The following ENTREP2 variants were observed in gnomAD, a reference collection of about 807,000 sequenced individuals.
The protein encoded by ENTREP2 is endosomal transmembrane epsin interactor 2, also known as protein ENTREP2.
At chr15:29,327,594 CAAAAA>C in the ENTREP2 span, among the ~76,000 whole-genome samples, 1 of 92,382 alleles carries the variant, frequency 1.1e-5, no homozygotes, top group Non-Finnish European at 2.5e-5. Context: ...GACCCCATCT[CAAAAA>C]AAAAAAAAAA....
the ENTREP2 span, among the ~76,000 whole-genome samples, chr15:29,142,869 C>CAAA: frequency 6.8e-6 from 1 of 147,758 alleles, no homozygotes; most frequent in African/African-American, 2.5e-5. Context: ...CATTTAAAAA[C>CAAA]AAAAAAAAAA....
chr15:29,548,697 G>A, the ENTREP2 span, among the ~76,000 whole-genome samples: 8 of 152,264 alleles, frequency 5.3e-5, no homozygotes, highest in Non-Finnish European at 1.0e-4. Context: ...AGCACTATTT[G>A]TTATGCTTCA....
chr15:29,426,143 G>C, the ENTREP2 span, among the ~76,000 whole-genome samples: 2 of 151,974 alleles, frequency 1.3e-5, no homozygotes, highest in African/African-American at 4.8e-5. Context: ...TGCACTACAA[G>C]TCATTTCCTT....
chr15:29,491,244 C>A, the ENTREP2 span, among the ~76,000 whole-genome samples: 1 of 152,138 alleles, frequency 6.6e-6, no homozygotes, highest in South Asian at 2.1e-4. Flanking sequence ...TGGTTCCTGC[C>A]CGCACCCCTC....
chr15:29,626,117 T>A, the ENTREP2 span, among the ~76,000 whole-genome samples: 1 of 152,166 alleles, frequency 6.6e-6, no homozygotes, highest in Admixed American at 6.6e-5. Flanking sequence ...AAACTTAGAA[T>A]GGTTTCTTCA....
At chr15:29,377,542 G>A in the ENTREP2 span, among the ~76,000 whole-genome samples, 10 of 152,150 alleles carry the variant, frequency 6.6e-5, no homozygotes, top group South Asian at 2.1e-4. Context: ...AATGAGTCAC[G>A]GCCAGGCGCA....
the ENTREP2 span, among the ~76,000 whole-genome samples, chr15:29,321,801 C>T: frequency 6.6e-6 from 1 of 151,476 alleles, no homozygotes; most frequent in African/African-American, 2.4e-5. Context: ...GGGAGGGGAA[C>T]AACACACACT....
the ENTREP2 span, among the ~76,000 whole-genome samples, chr15:29,350,840 G>A: frequency 6.6e-6 from 1 of 152,170 alleles, no homozygotes; most frequent in Non-Finnish European, 1.5e-5. Context: ...CTACTTGGGA[G>A]GCTGAGGCAG....
At chr15:29,505,149 C>A in the ENTREP2 span, among the ~76,000 whole-genome samples, 4 of 152,256 alleles carry the variant, frequency 2.6e-5, no homozygotes, top group African/African-American at 9.6e-5. The surrounding 1 kb of genome is among the most constrained non-coding windows in gnomAD (Gnocchi z 4.3). Context: ...CATGCTCCCC[C>A]TGGGCAGAGC....
At chr15:29,505,553 G>A in the ENTREP2 span, among the ~76,000 whole-genome samples, 3 of 152,208 alleles carry the variant, frequency 2.0e-5, no homozygotes, top group African/African-American at 7.2e-5. The surrounding 1 kb of genome is among the most constrained non-coding windows in gnomAD (Gnocchi z 4.3). Context: ...AGCTTCCAGA[G>A]GAAGGAGCAG....
At chr15:29,429,804 C>T in the ENTREP2 span, among the ~76,000 whole-genome samples, 4 of 152,268 alleles carry the variant, frequency 2.6e-5, no homozygotes, top group Non-Finnish European at 2.9e-5. Flanking sequence ...ATGCCCGATC[C>T]GGGCCGGCGT....
chr15:29,284,996 G>A, the ENTREP2 span, among the ~76,000 whole-genome samples: 2 of 152,190 alleles, frequency 1.3e-5, no homozygotes, highest in African/African-American at 4.8e-5. Flanking sequence ...CCAGGAATAA[G>A]GAGAAGACAA....
chr15:29,138,549 G>C, the ENTREP2 span, among the ~76,000 whole-genome samples: 49 of 151,394 alleles, frequency 3.2e-4, 2 homozygotes, highest in East Asian at 6.4e-3. Context: ...TGTTGTGTGT[G>C]TGTGTGCATG....
the ENTREP2 span, among the ~76,000 whole-genome samples, chr15:29,286,439 A>G: frequency 6.6e-6 from 1 of 152,186 alleles, no homozygotes; most frequent in Non-Finnish European, 1.5e-5. Flanking sequence ...ATGCAACGCA[A>G]TCTCCCCCCT....
At chr15:29,301,325 A>G in the ENTREP2 span, among the ~76,000 whole-genome samples, 192 of 152,356 alleles carry the variant, frequency 1.3e-3, no homozygotes, top group East Asian at 0.018. Context: ...CTTTTGTCAC[A>G]TAAGGATTAG....
chr15:29,269,950 G>A, the ENTREP2 span: 1 of 462,678 alleles, frequency 2.2e-6, no homozygotes, highest in Non-Finnish European at 3.8e-6. Flanking sequence ...ATGATTTTTA[G>A]TATAGTGAAG....
the ENTREP2 span, among the ~76,000 whole-genome samples, chr15:29,229,911 C>T: frequency 6.6e-6 from 1 of 152,178 alleles, no homozygotes; most frequent in Non-Finnish European, 1.5e-5. Context: ...GCCATCCAAC[C>T]ATCTGTGAGA....
the ENTREP2 span, among the ~76,000 whole-genome samples, chr15:29,220,197 T>A: frequency 6.6e-6 from 1 of 152,138 alleles, no homozygotes; most frequent in African/African-American, 2.4e-5. Context: ...CTGCGTGGGC[T>A]GGCTCCAGTG....
the ENTREP2 span, among the ~76,000 whole-genome samples, chr15:29,392,060 C>T: frequency 6.6e-6 from 1 of 152,058 alleles, no homozygotes; most frequent in Admixed American, 6.6e-5. Flanking sequence ...GATCTCCTGA[C>T]CTCGTGATCT....
Sources: gnomAD v4.1 joint callset for allele counts (sites outside exome capture counted in the v4.1 genomes callset) on GRCh38, gnomAD v4.1.1 for gene constraint, Gnocchi (gnomAD v3.1) non-coding constraint, MANE v1.5 for transcripts, NCBI Gene and HGNC (gene_info 2026-07-23, HGNC 2026-07-21) for gene names.